The following CFDP1 variants were observed in gnomAD, a reference collection of about 807,000 sequenced individuals.
CFDP1 encodes the protein heterochromatin-stabilizing protein CFDP1.
A neutral mutation model predicts 40.1 loss-of-function variants in CFDP1; 31 were observed. The ratio of observed to expected loss-of-function variants is 0.77; its 90% CI spans 0.58 to 1.04. The LOEUF is 1.04. CFDP1 is among the 50% of genes least tolerant of loss of function. The probability of loss-of-function intolerance (pLI) is 0.00; values close to 1 mark genes in which losing one functional copy is unlikely to be tolerated. For synonymous variants in CFDP1, 167 were observed against 120.0 expected (o/e 1.39, Z -2.56); for missense variants, 423 against 343.4 (o/e 1.23, Z -1.83).
intron 4 of CFDP1, among the ~76,000 whole-genome samples, chr16:75,407,654 CAAAAAAAAAAA>C (rs11456525): frequency 8.6e-6 from 1 of 116,794 alleles, no homozygotes; most frequent in African/African-American, 3.3e-5. Flanking sequence ...GACCCTGTCT[CAAAAAAAAAAA>C]AAAAAAAGAA....
intron 1 of CFDP1, among the ~76,000 whole-genome samples, chr16:75,430,742 G>C (rs1430837543): frequency 1.3e-5 from 2 of 152,172 alleles, no homozygotes; most frequent in Non-Finnish European, 2.9e-5. Flanking sequence ...AGGATTATAG[G>C]CTCGAGCCAC....
At position 75,342,481 on chromosome 16, in the gene CFDP1, G is replaced by C. The variant is rs371699243; in HGVS notation, c.651-37299C>G. On this transcript the variant is annotated intron_variant, in intron 5 of 6. Coordinates refer to ENST00000283882, the MANE Select transcript of CFDP1 (RefSeq NM_006324.3). ...ACTCATTAACAGAAAGGCTGTAAAA[G>C]TTTGTTTACTTGGAACAAAAGGGGC... Among the ~76,000 whole-genome samples, 299 of 152,274 alleles carry C rather than the reference G, an allele frequency of 2.0e-3. 9 individuals carry two copies. In the South Asian group the frequency reaches 0.06, roughly 31 times the overall value.
Position 75,433,448 on chromosome 16 carries a change from C to G in CFDP1, c.-96G>C, listed in dbSNP as rs1005799471. On this transcript the variant is annotated 5_prime_UTR_variant, in exon 1 of 7. Transcript: ENST00000283882. The stretch of plus-strand genomic sequence containing the variant: ...AGAGACCATAGAGCCCCGGCGGCGG[C>G]GACGGCAGCTAGGGCGGCCCCCGAC... 2 of 1,264,602 alleles carry G rather than the reference C, an allele frequency of 1.6e-6. No individual in the cohort carries two copies. Among genetic ancestry groups the G allele is most frequent in the Non-Finnish European group, 2.2e-6 (2 of 901,894 alleles). The allele number at this position is 1,264,602 out of a possible 1,614,324, so 78.3% of individuals were successfully genotyped here.
intron 5 of CFDP1, among the ~76,000 whole-genome samples, chr16:75,348,496 T>C (rs1330601238): frequency 6.6e-6 from 1 of 152,230 alleles, no homozygotes; most frequent in Admixed American, 6.5e-5. Flanking sequence ...TCTTGGGCTC[T>C]GCTTTTGTGG....
At chr16:75,297,196 T>TGTG (rs1567637652) in intron 6 of CFDP1, among the ~76,000 whole-genome samples, 4 of 68,494 alleles carry the variant, frequency 5.8e-5, no homozygotes, top group Admixed American at 2.1e-4. Context: ...GTGTGTGTGT[T>TGTG]TTTAGTAGAG....
chr16:75,354,691 A>AG (rs2078635367), intron 5 of CFDP1, among the ~76,000 whole-genome samples: 1 of 107,948 alleles, frequency 9.3e-6, no homozygotes, highest in East Asian at 2.8e-4. Flanking sequence ...TGGTGGGGAA[A>AG]GGGAAAAGTG....
intron 5 of CFDP1, among the ~76,000 whole-genome samples, chr16:75,387,432 C>T (rs975473546): frequency 3.9e-5 from 6 of 152,126 alleles, no homozygotes; most frequent in Middle Eastern, 3.2e-3. Context: ...TGAGCCACTG[C>T]GCCCGGCCAG....
intron 5 of CFDP1, among the ~76,000 whole-genome samples, chr16:75,320,070 C>A (rs1479500531): frequency 6.6e-6 from 1 of 152,182 alleles, no homozygotes; most frequent in Non-Finnish European, 1.5e-5. Flanking sequence ...AAAAAGAATT[C>A]CCATCCTCCA....
intron 5 of CFDP1, among the ~76,000 whole-genome samples, chr16:75,313,453 C>T (rs1283781497): frequency 6.6e-6 from 1 of 152,162 alleles, no homozygotes; most frequent in Non-Finnish European, 1.5e-5. Flanking sequence ...CCTCAGCCTC[C>T]TGATAGCTGG....
In CFDP1 at chr16:75,293,954, A is replaced by G. The variant is rs778736960; in HGVS notation, c.898T>C (p.Ter300ArgextTer67). 6.2e-7 allele frequency: 1 copy of G among 1,613,646 alleles called. No homozygotes were observed. The highest frequency in any genetic ancestry group is 1.7e-5 in the Admixed American group (1 of 60,026). ...TGCTCTTGATTTAGCCCGTAACATCAAGGTTTCATTTTGCTCAGCCTGAGA... is the reference window on the plus strand; with the variant it reads ...TGCTCTTGATTTAGCCCGTAACATCGAGGTTTCATTTTGCTCAGCCTGAGA... ...RDLRLSKMKP[*>R] The change falls in exon 7 of 7, where the codon TGA (stop) becomes CGA (arginine). Residue 300 changes from the stop codon to arginine, a stop_lost. Transcript: ENST00000283882.
intron 5 of CFDP1, among the ~76,000 whole-genome samples, chr16:75,391,982 T>A (rs11861922): frequency 0.013 from 1,981 of 151,182 alleles, 11 homozygotes; most frequent in Non-Finnish European, 0.019. Context: ...AAATAAAAAA[T>A]AAATAAATAA....
chr16:75,407,790 A>G (rs1429584150), intron 4 of CFDP1, among the ~76,000 whole-genome samples: 1 of 152,104 alleles, frequency 6.6e-6, no homozygotes, highest in African/African-American at 2.4e-5. Context: ...GCTATAATGA[A>G]GCATTTAATA....
At chr16:75,432,716 G>T (rs1007212274) in intron 1 of CFDP1, among the ~76,000 whole-genome samples, 3 of 152,192 alleles carry the variant, frequency 2.0e-5, no homozygotes, top group Non-Finnish European at 2.9e-5. Flanking sequence ...CAAGAAGGGG[G>T]AACAGAAAGA....
rs150987819 is a variant in CFDP1 at position 75,410,055 on chromosome 16, C to CAAAAAAA, written c.530+1763_530+1769dup. Among the ~76,000 whole-genome samples the CAAAAAAA allele has an allele frequency of 2.4e-3, 126 of 52,544 alleles. 1 individual carries two copies. Among genetic ancestry groups the CAAAAAAA allele is most frequent in the South Asian group, 3.0e-3 (2 of 662 alleles). The allele number at this position is 52,544 out of a possible 152,430, so 34.5% of individuals were successfully genotyped here. On this transcript the variant is annotated intron_variant, in intron 4 of 6. Transcript: ENST00000283882. Reference sequence around the variant, plus strand: ...TAGGCAACACAGCAAGACCCTTTCTCAAAAAAAAAAAAAAAAAAAAAAAAA... The same window carrying CAAAAAAA: ...TAGGCAACACAGCAAGACCCTTTCTCAAAAAAAAAAAAAAAAAAAAAAAAAAAAAAAA...
At chr16:75,367,138 T>A (rs1261786341) in intron 5 of CFDP1, among the ~76,000 whole-genome samples, 17 of 136,080 alleles carry the variant, frequency 1.2e-4, no homozygotes, top group African/African-American at 3.9e-4. Flanking sequence ...CATTCCAGCC[T>A]GAGTGACAGG....
At chr16:75,412,090 A>T in intron 3 of CFDP1, 138 bp from the exon 4 acceptor site, 3 of 856,452 alleles carry the variant, frequency 3.5e-6, no homozygotes. Flanking sequence ...ATCTTGGCTC[A>T]CTGCAACCTC....
chr16:75,301,949 G>C (rs989031327), intron 6 of CFDP1: 1 of 152,472 alleles, frequency 6.6e-6, no homozygotes, highest in African/African-American at 2.4e-5. Context: ...TGTGGGGCTG[G>C]GCACTTAAGA....
At chr16:75,400,517 G>A (rs2079042518) in intron 4 of CFDP1, among the ~76,000 whole-genome samples, 1 of 152,114 alleles carries the variant, frequency 6.6e-6, no homozygotes, top group Non-Finnish European at 1.5e-5. Flanking sequence ...TCCATCAGGA[G>A]CAGCTAGGCC....
intron 5 of CFDP1, among the ~76,000 whole-genome samples, chr16:75,381,509 T>A (rs956331985): frequency 6.6e-6 from 1 of 151,942 alleles, no homozygotes; most frequent in Non-Finnish European, 1.5e-5. Context: ...GACACTGAGG[T>A]TGGGGCTCAA....
Sources: allele counts gnomAD v4.1 joint callset (sites outside exome capture counted in the v4.1 genomes callset), GRCh38; gene constraint gnomAD v4.1.1; transcripts MANE v1.5; gene names NCBI Gene and HGNC (gene_info 2026-07-23, HGNC 2026-07-21).